SYNE2: variants seen among roughly 807,000 people sequenced by gnomAD.
SYNE2 encodes the protein nesprin-2.
In SYNE2, 431 loss-of-function variants were observed where a neutral mutation model predicts 856.3. The observed-to-expected ratio is 0.50, with a 90% confidence interval of 0.47 to 0.55. The LOEUF (loss-of-function observed/expected upper bound fraction) is 0.55. Among genes scored for constraint, SYNE2 ranks in the 20% least tolerant of loss-of-function variants. SYNE2 has a pLI of 0.00. For missense variants in SYNE2, 8,129 were observed against 8,023.2 expected (o/e 1.01, Z -0.50); for synonymous variants, 2,923 against 2,872.3 (o/e 1.02, Z -0.56).
intron 2 of SYNE2, among the ~76,000 whole-genome samples, chr14:63,911,480 A>G (rs774835265): frequency 2.6e-5 from 4 of 152,178 alleles, no homozygotes; most frequent in African/African-American, 4.8e-5. Context: ...GCACTTTTGC[A>G]TACATTATCT....
intron 7 of SYNE2, among the ~76,000 whole-genome samples, chr14:63,953,531 T>TAGAG (rs71123822): frequency 3.0e-3 from 451 of 148,872 alleles, no homozygotes; most frequent in African/African-American, 9.9e-3. Flanking sequence ...AATAGATAGA[T>TAGAG]AGAGAGAGAG....
intron 11 of SYNE2, among the ~76,000 whole-genome samples, chr14:63,974,888 GTGTGTATATATATA>G (rs2096526314): frequency 3.8e-5 from 1 of 26,458 alleles, no homozygotes; most frequent in Non-Finnish European, 7.6e-5. Flanking sequence ...GTGTGTGTGT[GTGTGTATATATATA>G]TATATATATA....
intron 1 of SYNE2, among the ~76,000 whole-genome samples, chr14:63,798,520 AG>A (rs1888009932): frequency 6.6e-6 from 1 of 151,210 alleles, no homozygotes; most frequent in South Asian, 2.1e-4. Flanking sequence ...CAGCCTCTCG[AG>A]TAGCTAGTAC....
chr14:63,930,061 G>T (rs1415237752), intron 2 of SYNE2, among the ~76,000 whole-genome samples: 14 of 152,138 alleles, frequency 9.2e-5, no homozygotes, highest in Admixed American at 9.2e-4. Flanking sequence ...AAGTTGGGAA[G>T]ATTGCTTGAG....
chr14:64,194,809 C>CTTGG (rs1334657245), intron 99 of SYNE2, among the ~76,000 whole-genome samples: 4 of 152,156 alleles, frequency 2.6e-5, no homozygotes, highest in African/African-American at 9.7e-5. Context: ...CAGCACGGGC[C>CTTGG]AAAGCTCTGA....
intron 1 of SYNE2, among the ~76,000 whole-genome samples, chr14:63,885,124 G>A (rs150451052): frequency 2.3e-4 from 35 of 152,276 alleles, no homozygotes; most frequent in African/African-American, 8.2e-4. Context: ...GATGGAGATG[G>A]AGGGTCCCAC....
intron 1 of SYNE2, among the ~76,000 whole-genome samples, chr14:63,893,577 C>A (rs868568347): frequency 1.3e-5 from 2 of 152,090 alleles, no homozygotes; most frequent in African/African-American, 4.8e-5. Context: ...AAAAGAGAAA[C>A]TTTCTTCAAC....
chr14:64,165,329 T>C lies in SYNE2; in HGVS notation c.16524T>C (p.Ser5508=), dbSNP rs2098368173. 2 of 1,614,032 alleles carry C rather than the reference T, an allele frequency of 1.2e-6. No individual in the cohort carries two copies. The highest frequency in any genetic ancestry group is 3.3e-4 in the Middle Eastern group (2 of 6,054). Residue 5508 remains serine (S), a synonymous_variant, in exon 90 of 116, where the codon TCT becomes TCC. Transcript: ENST00000555002. ...QFKDFGVRLE[S]LKGLIMHEEE... is the part of the protein sequence containing the mutation. ...AGGATTTTGGAGTCCGGCTGGAATCTTTAAAAGGTCTTATTATGCATGAAG... is the reference window on the plus strand; with the variant it reads ...AGGATTTTGGAGTCCGGCTGGAATCCTTAAAAGGTCTTATTATGCATGAAG...
At chr14:63,855,404 G>A (rs1891454212) in intron 1 of SYNE2, among the ~76,000 whole-genome samples, 1 of 152,014 alleles carries the variant, frequency 6.6e-6, no homozygotes, top group South Asian at 2.1e-4. Flanking sequence ...ACCTCTTTTG[G>A]CTTCCCTGCC....
At position 63,778,404 on chromosome 14, in the gene SYNE2, C is replaced by G. The variant is rs1273666363; in HGVS notation, c.-305+16418C>G. On this transcript the variant is annotated intron_variant, in intron 1 of 23. Coordinates refer to the SYNE2 transcript ENST00000674003. ...CAGTGTGAAAATGGATGAATACATG[C>G]TAATTAGCTTGATTGTGGTATTCAT... is the stretch of plus-strand genomic sequence containing the variant. 2.0e-5 allele frequency among the ~76,000 whole-genome samples: 3 copies of G among 152,080 alleles called. 1 individual carries two copies. Among genetic ancestry groups the G allele is most frequent in the Admixed American group, 2.0e-4 (3 of 15,254 alleles).
chr14:63,982,516 T>C, intron 16 of SYNE2, 114 bp from the exon 17 acceptor site: 4 of 954,524 alleles, frequency 4.2e-6, no homozygotes, highest in South Asian at 3.2e-5. Flanking sequence ...CAAGACTCCA[T>C]CTCAAAAAAA....
chr14:64,000,935 C>G (rs2096749343), intron 28 of SYNE2, among the ~76,000 whole-genome samples: 1 of 152,178 alleles, frequency 6.6e-6, no homozygotes, highest in African/African-American at 2.4e-5. Flanking sequence ...ACACTGCTAG[C>G]TAGAAACTTA....
chr14:63,872,716 C>G (rs1428357394), intron 1 of SYNE2, among the ~76,000 whole-genome samples: 1 of 142,808 alleles, frequency 7.0e-6, no homozygotes, highest in African/African-American at 2.6e-5. Context: ...GGCCTAAGAT[C>G]ACACCACTGT....
At chr14:63,827,625 C>CAAAAAAAAAAAAAAAAAAAAAAAAAAA (rs11334415) in intron 1 of SYNE2, among the ~76,000 whole-genome samples, 156 of 28,406 alleles carry the variant, frequency 5.5e-3, no homozygotes, top group Non-Finnish European at 6.9e-3. Context: ...AACTCTGTCT[C>CAAAAAAAAAAAAAAAAAAAAAAAAAAA]AAAAAAAAAA....
chr14:64,131,446 A>G (rs372658281), intron 76 of SYNE2, among the ~76,000 whole-genome samples: 90 of 152,382 alleles, frequency 5.9e-4, no homozygotes, highest in African/African-American at 2.1e-3. Flanking sequence ...TCTCTTGAGT[A>G]GAAGTTAAAG....
intron 53 of SYNE2, among the ~76,000 whole-genome samples, 190 bp downstream of exon 53, chr14:64,074,326 G>A (rs780006898): frequency 2.9e-4 from 44 of 152,202 alleles, no homozygotes; most frequent in South Asian, 1.4e-3. Context: ...TGGCTGGAGA[G>A]CAGAGAACAG....
In SYNE2 at chr14:63,981,645, G is replaced by A. The variant is rs537215336; in HGVS notation, c.1836+472G>A. On this transcript the variant is annotated intron_variant, in intron 16 of 115. Coordinates refer to ENST00000555002, the MANE Select transcript of SYNE2 (RefSeq NM_182914.3). ...CAAGATACCGTAACTTATGTGTAGA[G>A]GTGTGGAAGAACTGTCAATGTAATT... Among the ~76,000 whole-genome samples the A allele has an allele frequency of 5.9e-5, 9 of 152,140 alleles. No individual in the cohort carries two copies. In the South Asian group the frequency reaches 1.9e-3, roughly 32 times the overall value.
chr14:63,821,643 C>G (rs905157447), intron 1 of SYNE2, among the ~76,000 whole-genome samples: 1 of 151,314 alleles, frequency 6.6e-6, no homozygotes, highest in Non-Finnish European at 1.5e-5. Context: ...AGTCCAGCTA[C>G]TTGGGAGGCT....
intron 37 of SYNE2, among the ~76,000 whole-genome samples, chr14:64,022,325 C>T (rs556168740): frequency 1.5e-4 from 23 of 152,246 alleles, no homozygotes; most frequent in African/African-American, 4.8e-4. Context: ...GGTGCACAAG[C>T]GGTCCAGGCA....
Sources: gnomAD v4.1 joint callset for allele counts (sites outside exome capture counted in the v4.1 genomes callset) on GRCh38, gnomAD v4.1.1 for gene constraint, MANE v1.5 for transcripts, NCBI Gene and HGNC (gene_info 2026-07-23, HGNC 2026-07-21) for gene names.